Variants in INPP5A observed in about 807,000 individuals in gnomAD.
INPP5A encodes the protein 43 kDa inositol polyphosphate 5-phophatase.
Under a neutral mutation model 65.2 loss-of-function variants are expected in INPP5A, and 14 were observed. The observed-to-expected ratio is 0.21, with a 90% CI of 0.14 to 0.34. The LOEUF (loss-of-function observed/expected upper bound fraction) is 0.34. INPP5A is among the 10% of genes least tolerant of loss of function. The probability of loss-of-function intolerance (pLI) is 1.00; values close to 1 mark genes in which losing one functional copy is unlikely to be tolerated. For synonymous variants in INPP5A, 207 were observed against 208.3 expected (o/e 0.99, Z 0.05); for missense variants, 431 against 545.6 (o/e 0.79, Z 2.09).
intron 12 of INPP5A, among the ~76,000 whole-genome samples, chr10:132,775,001 G>C (rs1296939365): frequency 2.0e-5 from 1 of 50,522 alleles, no homozygotes; most frequent in African/African-American, 7.5e-5. Flanking sequence ...GGAGGAGAGA[G>C]GGGCAGAGAG....
chr10:132,580,995 A>G (rs958003524), intron 1 of INPP5A, among the ~76,000 whole-genome samples: 1 of 152,248 alleles, frequency 6.6e-6, no homozygotes, highest in Non-Finnish European at 1.5e-5. Context: ...CAAAACAAAC[A>G]CAAAGCTTGA....
At chr10:132,775,346 C>T (rs1847046388) in intron 12 of INPP5A, among the ~76,000 whole-genome samples, 1 of 152,000 alleles carries the variant, frequency 6.6e-6, no homozygotes, top group African/African-American at 2.4e-5. Context: ...CCCCACCCAG[C>T]AGGTATGCTT....
intron 11 of INPP5A, among the ~76,000 whole-genome samples, chr10:132,758,431 T>C (rs111829882): frequency 2.3e-3 from 234 of 103,262 alleles, no homozygotes; most frequent in Middle Eastern, 7.2e-3. Context: ...GTGTGGGTCC[T>C]TGGCTGACCC....
At chr10:132,761,116 C>T (rs909724924) in intron 11 of INPP5A, among the ~76,000 whole-genome samples, 3 of 152,194 alleles carry the variant, frequency 2.0e-5, no homozygotes, top group Non-Finnish European at 4.4e-5. Context: ...CTGGTTCGAC[C>T]TCGACTCCCT....
intron 8 of INPP5A, among the ~76,000 whole-genome samples, chr10:132,716,966 A>T (rs956432163): frequency 1.3e-5 from 2 of 152,196 alleles, no homozygotes; most frequent in East Asian, 1.9e-4. Context: ...AAGGTGCCAG[A>T]CACTGAGAAG....
At chr10:132,578,980 C>T (rs1014334128) in intron 1 of INPP5A, among the ~76,000 whole-genome samples, 2 of 152,214 alleles carry the variant, frequency 1.3e-5, no homozygotes, top group Non-Finnish European at 2.9e-5. Flanking sequence ...GGAGCTGCCT[C>T]TCATTGGCCC....
At chr10:132,685,387 A>G (rs2073101960) in intron 4 of INPP5A, among the ~76,000 whole-genome samples, 1 of 152,242 alleles carries the variant, frequency 6.6e-6, no homozygotes, top group Non-Finnish European at 1.5e-5. Flanking sequence ...GGGGCCTCAC[A>G]TGGGCACTGC....
In INPP5A at chr10:132,650,457, G is replaced by A. The variant is rs2072559239; in HGVS notation, c.258G>A (p.Arg86=). 1 of 1,613,774 alleles carries A rather than the reference G, an allele frequency of 6.2e-7. No individual in the cohort carries two copies. The highest frequency in any genetic ancestry group is 1.3e-5 in the African/African-American group (1 of 74,924). Residue 86 remains arginine, a synonymous_variant, in exon 4 of 16, where the codon AGG becomes AGA. Coordinates refer to ENST00000368594, the MANE Select transcript of INPP5A (RefSeq NM_005539.5). The surrounding 1 kb of genome is among the most constrained non-coding windows in gnomAD (Gnocchi z 5.5). ...GTGATGCGATGAAAGAATATAACAG[G>A]GCTCGAGTCTACCTGGATGAAAACT... ...LSSDAMKEYN[R]ARVYLDENYK... is the part of the protein sequence containing the mutation.
Position 132,549,372 on chromosome 10 carries a change from C to CA in INPP5A, c.75+11202dup, listed in dbSNP as rs1412391974. 6.6e-6 allele frequency among the ~76,000 whole-genome samples: 1 copy of CA among 152,224 alleles called. No individual in the cohort carries two copies. The highest frequency in any genetic ancestry group is 1.5e-5 in the Non-Finnish European group (1 of 68,044). On this transcript the variant is annotated intron_variant, in intron 1 of 15. Coordinates refer to ENST00000368594, the MANE Select transcript of INPP5A (RefSeq NM_005539.5). The surrounding 1 kb of genome is among the most constrained non-coding windows in gnomAD (Gnocchi z 4.9). ...CTCTAGCTCTTCTGCATCATGCCAG[C>CA]ACTTGGTGGCATTTGTCTTTTTAAT...
At position 132,607,846 on chromosome 10, in the gene INPP5A, C is replaced by T. The variant is rs891310968; in HGVS notation, c.76-69C>T. 8 of 1,465,428 alleles carry T rather than the reference C, an allele frequency of 5.5e-6. No homozygotes were observed. The African/African-American group carries it at 7.0e-5, about 13-fold the overall frequency. The allele number at this position is 1,465,428 out of a possible 1,614,324, so 90.8% of individuals were successfully genotyped here. A position where few individuals can be genotyped will look rare whatever the true frequency, so the allele number is the denominator to read the frequency against. ...CTGCCCCACGTTGTCTTCACAGGAG[C>T]TTGTCCTGGCTCTGTTTAGGGCTGT... On this transcript the variant is annotated intron_variant, in intron 1 of 15. Coordinates refer to ENST00000368594, the MANE Select transcript of INPP5A (RefSeq NM_005539.5).
intron 4 of INPP5A, among the ~76,000 whole-genome samples, chr10:132,670,843 CTTTTTTTTTT>C (rs11289296): frequency 8.5e-6 from 1 of 117,022 alleles, no homozygotes; most frequent in Non-Finnish European, 1.7e-5. Flanking sequence ...GTCTTTCTTT[CTTTTTTTTTT>C]TTTTTTTTTT....
rs903716389 is a variant in INPP5A, at chr10:132,698,396, T to C, written c.474+477T>C. On this transcript the variant is annotated intron_variant, in intron 6 of 15. Coordinates refer to ENST00000368594, the MANE Select transcript of INPP5A (RefSeq NM_005539.5). This position sits in a 1 kb window ranked among gnomAD's most constrained non-coding sequence, Gnocchi z 5.5. ...GCGAGCAGCAGGGTCCCGGCAGTTA[T>C]GCCTGCGTCACACGGAGAGATTAGA... 1.3e-5 allele frequency among the ~76,000 whole-genome samples: 2 copies of C among 152,240 alleles called. No individual in the cohort carries two copies. The highest frequency in any genetic ancestry group is 2.1e-4 in the South Asian group (1 of 4,838).
In INPP5A at chr10:132,551,687, G is replaced by A. The variant is rs1028524972; in HGVS notation, c.75+13516G>A. Among the ~76,000 whole-genome samples the A allele has an allele frequency of 2.0e-5, 3 of 152,302 alleles. No homozygotes were observed. Among genetic ancestry groups the A allele is most frequent in the South Asian group, 2.1e-4 (1 of 4,828 alleles). On this transcript the variant is annotated intron_variant, in intron 1 of 15. Transcript: ENST00000368594. This position sits in a 1 kb window ranked among gnomAD's most constrained non-coding sequence, Gnocchi z 5.3. Reference sequence around the variant, plus strand: ...TGCTGCAGTGGGCAGTGTGTGCGTCGTACACAGGTGGAAGGTGGAGGCCTG... The same window carrying A: ...TGCTGCAGTGGGCAGTGTGTGCGTCATACACAGGTGGAAGGTGGAGGCCTG...
At chr10:132,769,717 C>G (rs1244626708) in intron 12 of INPP5A, among the ~76,000 whole-genome samples, 1 of 152,148 alleles carries the variant, frequency 6.6e-6, no homozygotes, top group Non-Finnish European at 1.5e-5. Flanking sequence ...CATTGGTCTG[C>G]CCGGCTCCCC....
In INPP5A at chr10:132,637,128, G is replaced by A. The variant is rs1296784739; in HGVS notation, c.118-8740G>A. The stretch of plus-strand genomic sequence containing the variant: ...AGACGGGGTTTGACCATGTTGGCCA[G>A]GATGGTCTTGATCTCCTGACCTTGT... On this transcript the variant is annotated intron_variant, in intron 2 of 15. Coordinates refer to ENST00000368594, the MANE Select transcript of INPP5A (RefSeq NM_005539.5). This position sits in a 1 kb window ranked among gnomAD's most constrained non-coding sequence, Gnocchi z 4.1. Among the ~76,000 whole-genome samples the A allele has an allele frequency of 6.6e-6, 1 of 152,212 alleles. No individual in the cohort carries two copies. The highest frequency in any genetic ancestry group is 1.5e-5 in the Non-Finnish European group (1 of 68,036).
At chr10:132,566,204 C>T (rs1230799125) in intron 1 of INPP5A, among the ~76,000 whole-genome samples, 1 of 152,148 alleles carries the variant, frequency 6.6e-6, no homozygotes, top group East Asian at 1.9e-4. Context: ...AAACTGACTC[C>T]AGAAGAGAGG....
rs2070863861 is a variant in INPP5A, at chr10:132,538,103, G to C, written c.7G>C (p.Gly3Arg). 5.8e-6 allele frequency: 7 copies of C among 1,211,716 alleles called. No homozygotes were observed. The African/African-American group carries it at 1.1e-4, about 19-fold the overall frequency. The allele number at this position is 1,211,716 out of a possible 1,614,324, so 75.1% of individuals were successfully genotyped here. MA[G>R]KAAAPGTAVL... Reference sequence around the variant, plus strand: ...CCCGCGCCGCCCGGGCACCATGGCGGGGAAGGCGGCCGCCCCGGGCACCGC... The same window carrying C: ...CCCGCGCCGCCCGGGCACCATGGCGCGGAAGGCGGCCGCCCCGGGCACCGC... The change falls in exon 1 of 16, where the codon GGG (glycine) becomes CGG (arginine). Residue 3 changes from glycine (G) to arginine (R), a missense_variant. Transcript: ENST00000368594. The surrounding 1 kb of genome is among the most constrained non-coding windows in gnomAD (Gnocchi z 4.1).
intron 4 of INPP5A, among the ~76,000 whole-genome samples, chr10:132,670,624 C>T (rs1422172481): frequency 1.3e-5 from 2 of 151,648 alleles, no homozygotes; most frequent in Admixed American, 6.6e-5. Context: ...CACAGCACAG[C>T]TAAGTCTTCA....
chr10:132,570,528 C>T (rs1171341837), intron 1 of INPP5A, among the ~76,000 whole-genome samples: 1 of 152,154 alleles, frequency 6.6e-6, no homozygotes, highest in Non-Finnish European at 1.5e-5. Flanking sequence ...CTTGAACCCC[C>T]GCTGGCCTGG....
Sources: gnomAD v4.1 joint callset for allele counts (sites outside exome capture counted in the v4.1 genomes callset) on GRCh38, gnomAD v4.1.1 for gene constraint, Gnocchi (gnomAD v3.1) non-coding constraint, MANE v1.5 for transcripts, NCBI Gene and HGNC (gene_info 2026-07-23, HGNC 2026-07-21) for gene names.